Variants in WWOX observed in about 807,000 individuals in gnomAD.
WWOX encodes the protein WW domain containing oxidoreductase, also known as WW domain-containing oxidoreductase.
WWOX carries 69 observed loss-of-function variants against 46.2 expected under a neutral mutation model. That is an observed-to-expected ratio of 1.49 (90% CI 1.23 to 1.82). The LOEUF (loss-of-function observed/expected upper bound fraction) is 1.82, where lower values mean the gene tolerates loss of function less well. WWOX is among the 40% of genes most tolerant of loss of function. The pLI is 0.00. For synonymous variants in WWOX, 359 were observed against 202.6 expected, an observed-to-expected ratio of 1.77 and a Z score of -6.56; for missense variants, 919 against 542.6, an observed-to-expected ratio of 1.69 and a Z score of -6.89.
chr16:78,181,550 C>G (rs1450861969), intron 5 of WWOX, among the ~76,000 whole-genome samples: 4 of 152,144 alleles, frequency 2.6e-5, no homozygotes, highest in Non-Finnish European at 5.9e-5. Flanking sequence ...GTGGCACACT[C>G]CGTGGCTGGG....
At chr16:78,709,740 T>A (rs2142319129) in intron 8 of WWOX, among the ~76,000 whole-genome samples, 1 of 151,668 alleles carries the variant, frequency 6.6e-6, no homozygotes, top group Admixed American at 6.6e-5. Context: ...AAGCATTTTT[T>A]TTTTTTTTGT....
chr16:78,315,049 CCATCTATCAAT>C (rs1174419220), intron 5 of WWOX, among the ~76,000 whole-genome samples: 3 of 152,178 alleles, frequency 2.0e-5, no homozygotes, highest in Admixed American at 1.3e-4. Flanking sequence ...TCTCCATCCA[CCATCTATCAAT>C]CATCTATCAT....
chr16:78,824,997 A>G (rs1028158018), intron 8 of WWOX, among the ~76,000 whole-genome samples: 1 of 152,174 alleles, frequency 6.6e-6, no homozygotes, highest in African/African-American at 2.4e-5. Context: ...CGTTATAGCC[A>G]TAAACAAAGT....
intron 8 of WWOX, among the ~76,000 whole-genome samples, chr16:79,134,745 C>G (rs1332787812): frequency 2.0e-5 from 3 of 152,188 alleles, no homozygotes; most frequent in South Asian, 4.1e-4. Context: ...TCAGCTAAGT[C>G]TGTACAGTAC....
intron 5 of WWOX, among the ~76,000 whole-genome samples, chr16:78,330,974 G>C (rs993658294): frequency 6.6e-6 from 1 of 152,196 alleles, no homozygotes; most frequent in African/African-American, 2.4e-5. Context: ...TTCTGGAGCA[G>C]TCTATTTATT....
intron 8 of WWOX, among the ~76,000 whole-genome samples, chr16:78,559,998 T>C (rs75599029): frequency 0.032 from 4,821 of 152,354 alleles, 111 homozygotes; most frequent in Non-Finnish European, 0.046. Context: ...TTTGCTGTTA[T>C]ATTGCTTCAG....
intron 8 of WWOX, among the ~76,000 whole-genome samples, chr16:79,175,516 A>G (rs766813492): frequency 3.3e-5 from 5 of 152,166 alleles, no homozygotes; most frequent in African/African-American, 4.8e-5. Flanking sequence ...GGATATTACT[A>G]GGTAGATTTC....
chr16:78,437,132 C>A (rs1419012940), intron 8 of WWOX, among the ~76,000 whole-genome samples: 1 of 152,216 alleles, frequency 6.6e-6, no homozygotes, highest in Non-Finnish European at 1.5e-5. Flanking sequence ...AGAAATACAA[C>A]CCAGACTTGC....
intron 5 of WWOX, among the ~76,000 whole-genome samples, chr16:78,218,781 C>G (rs1372450679): frequency 6.6e-6 from 1 of 152,200 alleles, no homozygotes; most frequent in Non-Finnish European, 1.5e-5. Context: ...AAGCACGCTT[C>G]GGTGCGCATG....
intron 8 of WWOX, among the ~76,000 whole-genome samples, chr16:78,714,110 A>T (rs952932666): frequency 6.6e-6 from 1 of 152,174 alleles, no homozygotes. Flanking sequence ...CCCTTCTAGA[A>T]TAAGTCCGTC....
chr16:78,639,631 T>G (rs527404500), intron 8 of WWOX, among the ~76,000 whole-genome samples: 63 of 152,184 alleles, frequency 4.1e-4, no homozygotes, highest in African/African-American at 1.5e-3. Context: ...TGGTATGATC[T>G]TGGCTCACTG....
intron 4 of WWOX, among the ~76,000 whole-genome samples, chr16:78,118,450 A>G (rs376931644): frequency 7.9e-5 from 12 of 152,112 alleles, no homozygotes; most frequent in African/African-American, 2.9e-4. Flanking sequence ...TCTGGATTGG[A>G]GATGAACAAA....
intron 8 of WWOX, among the ~76,000 whole-genome samples, chr16:78,596,004 G>A (rs976683940): frequency 6.6e-6 from 1 of 152,132 alleles, no homozygotes; most frequent in Non-Finnish European, 1.5e-5. Context: ...TACTCAGAGT[G>A]GGAAAAATAC....
rs11320544 is a variant in WWOX, at chr16:78,548,152, C to CAAA, written c.1056+115424_1056+115426dup. ...CCTGGGTGACAGAGCAAGACTGTCT[C>CAAA]AAAAAAAAAAAAAAAAAAAAAAAAA... On this transcript the variant is annotated intron_variant, in intron 8 of 8. Coordinates refer to ENST00000566780, the MANE Select transcript of WWOX (RefSeq NM_016373.4). Among the ~76,000 whole-genome samples, 88 of 34,266 alleles carry CAAA rather than the reference C, an allele frequency of 2.6e-3. 1 individual carries two copies. Among genetic ancestry groups the CAAA allele is most frequent in the African/African-American group, 6.7e-3 (82 of 12,230 alleles). The allele number at this position is 34,266 out of a possible 152,430, so 22.5% of individuals were successfully genotyped here. A position where few individuals can be genotyped will look rare whatever the true frequency, so the allele number is the denominator to read the frequency against.
At chr16:78,841,957 C>T (rs1041586421) in intron 8 of WWOX, among the ~76,000 whole-genome samples, 7 of 151,980 alleles carry the variant, frequency 4.6e-5, no homozygotes, top group East Asian at 1.9e-4. Flanking sequence ...AGCTGGCAGA[C>T]GTGTGGGACA....
chr16:78,393,776 G>A (rs1367938845), intron 6 of WWOX, among the ~76,000 whole-genome samples: 3 of 151,260 alleles, frequency 2.0e-5, no homozygotes, highest in East Asian at 1.9e-4. Context: ...TTCTGTCACC[G>A]GTATAATTTA....
At chr16:79,037,455 C>G (rs16949333) in intron 8 of WWOX, among the ~76,000 whole-genome samples, 59,614 of 151,884 alleles carry the variant, frequency 0.39, 12,796 homozygotes, top group East Asian at 0.64. Context: ...TTCGTTACAT[C>G]AAGTTGTGGG....
chr16:79,071,889 C>A (rs1031361830), intron 8 of WWOX, among the ~76,000 whole-genome samples: 15 of 152,184 alleles, frequency 9.9e-5, no homozygotes, highest in African/African-American at 3.6e-4. Flanking sequence ...TCTGGTGCAC[C>A]AGATGGTCTC....
chr16:78,925,404 C>G (rs995881404), intron 8 of WWOX, among the ~76,000 whole-genome samples: 1 of 152,136 alleles, frequency 6.6e-6, no homozygotes, highest in African/African-American at 2.4e-5. Context: ...AGCTCTCAGG[C>G]AAAATATGTC....
Sources: allele counts gnomAD v4.1 joint callset (sites outside exome capture counted in the v4.1 genomes callset), GRCh38; gene constraint gnomAD v4.1.1; transcripts MANE v1.5; gene names NCBI Gene and HGNC (gene_info 2026-07-23, HGNC 2026-07-21).